PLSCR2: variants seen among roughly 807,000 people sequenced by gnomAD.
PLSCR2 encodes phospholipid scramblase 2.
In PLSCR2, 18 loss-of-function variants were observed where a neutral mutation model predicts 25.3. That is an observed-to-expected ratio of 0.71 (90% CI 0.49 to 1.06). The LOEUF is 1.06. Ranked by LOEUF, PLSCR2 falls within the 50% of genes least tolerant of loss-of-function variation. PLSCR2 has a pLI of 0.00. For missense variants in PLSCR2, 243 were observed against 269.5 expected (o/e 0.90, Z 0.69); for synonymous variants, 88 against 87.3 (o/e 1.01, Z -0.04).
chr3:146,424,069 C>A (rs111859883), intron 2 of PLSCR2, among the ~76,000 whole-genome samples: 9,234 of 151,412 alleles, frequency 0.061, 290 homozygotes, highest in Admixed American at 0.096. Flanking sequence ...ACCACCATGG[C>A]ACGTGTATAC....
intron 2 of PLSCR2, among the ~76,000 whole-genome samples, chr3:146,402,430 T>C (rs1056222436): frequency 6.6e-6 from 1 of 152,196 alleles, no homozygotes; most frequent in Non-Finnish European, 1.5e-5. Flanking sequence ...ATACACTTAA[T>C]GAGTACATGT....
intron 5 of PLSCR2, among the ~76,000 whole-genome samples, chr3:146,451,698 C>T (rs79016403): frequency 0.01 from 1,523 of 152,250 alleles, 27 homozygotes; most frequent in African/African-American, 0.035. Flanking sequence ...TCCCCATCCT[C>T]CGGAGATGAG....
intron 2 of PLSCR2, among the ~76,000 whole-genome samples, chr3:146,420,398 A>C (rs1451095634): frequency 6.6e-6 from 1 of 152,090 alleles, no homozygotes; most frequent in Non-Finnish European, 1.5e-5. Flanking sequence ...CTATATTTTC[A>C]ATAAATATAT....
chr3:146,495,762 A>G (rs1419160164), intron 1 of PLSCR2: 1 of 637,902 alleles, frequency 1.6e-6, no homozygotes, highest in Non-Finnish European at 2.7e-6. Context: ...TAAGATACCT[A>G]GTATGAGTTT....
chr3:146,457,797 C>T (rs1382749304), intron 3 of PLSCR2, among the ~76,000 whole-genome samples: 2 of 152,140 alleles, frequency 1.3e-5, no homozygotes, highest in African/African-American at 4.8e-5. Context: ...ATGTTATTTG[C>T]AAAAGAGAGC....
At chr3:146,410,844 C>T (rs1428394692) in intron 2 of PLSCR2, among the ~76,000 whole-genome samples, 1 of 152,226 alleles carries the variant, frequency 6.6e-6, no homozygotes, top group African/African-American at 2.4e-5. Flanking sequence ...GCCCACCTGG[C>T]CGCTCCCCCT....
intron 5 of PLSCR2, among the ~76,000 whole-genome samples, chr3:146,451,769 A>C (rs1405561191): frequency 1.3e-5 from 2 of 152,186 alleles, no homozygotes; most frequent in Non-Finnish European, 2.9e-5. Context: ...TCATGCCTAC[A>C]TAATGCAACT....
chr3:146,419,805 G>A (rs2039089884), intron 2 of PLSCR2, among the ~76,000 whole-genome samples: 1 of 151,884 alleles, frequency 6.6e-6, no homozygotes, highest in South Asian at 2.1e-4. Flanking sequence ...TGTCCTATAA[G>A]GTCACCTGTG....
downstream of PLSCR2, among the ~76,000 whole-genome samples, chr3:146,430,329 G>A (rs1323757756): frequency 6.6e-6 from 1 of 152,056 alleles, no homozygotes; most frequent in African/African-American, 2.4e-5. Flanking sequence ...TAAGGCACAG[G>A]GAGAAACACA....
intron 2 of PLSCR2, among the ~76,000 whole-genome samples, chr3:146,405,670 T>A (rs912966440): frequency 2.6e-5 from 4 of 152,186 alleles, no homozygotes; most frequent in Non-Finnish European, 4.4e-5. Context: ...ATGCATTGTT[T>A]TATAAATTAA....
upstream of PLSCR2, among the ~76,000 whole-genome samples, chr3:146,462,394 G>A (rs925191710): frequency 6.6e-6 from 1 of 151,974 alleles, no homozygotes; most frequent in East Asian, 1.9e-4. Context: ...ATGTGGCCTT[G>A]GTAGGAATTT....
intron 1 of PLSCR2, among the ~76,000 whole-genome samples, chr3:146,476,090 G>A (rs985649786): frequency 5.3e-5 from 8 of 151,610 alleles, no homozygotes; most frequent in East Asian, 1.9e-4. Flanking sequence ...CGGGGGCGCC[G>A]GGGGGTGCAC....
intron 2 of PLSCR2, among the ~76,000 whole-genome samples, chr3:146,423,531 T>C (rs1209738174): frequency 6.9e-6 from 1 of 145,610 alleles, no homozygotes; most frequent in Non-Finnish European, 1.5e-5. Context: ...ATATTCAAGC[T>C]TCACCCTTAA....
chr3:146,457,403 C>A (rs959457872), intron 3 of PLSCR2, among the ~76,000 whole-genome samples: 57 of 152,194 alleles, frequency 3.7e-4, no homozygotes, highest in African/African-American at 1.3e-3. Flanking sequence ...TTTATTCTTG[C>A]ACCTAGGAAG....
chr3:146,396,075 T>G (rs955689332), intron 2 of PLSCR2, among the ~76,000 whole-genome samples: 6 of 152,188 alleles, frequency 3.9e-5, no homozygotes, highest in Non-Finnish European at 8.8e-5. Context: ...CATAATAGCC[T>G]GGTAAAATTT....
intron 1 of PLSCR2, among the ~76,000 whole-genome samples, chr3:146,489,593 A>C (rs1462565843): frequency 6.6e-6 from 1 of 152,150 alleles, no homozygotes; most frequent in African/African-American, 2.4e-5. Context: ...TAACACAAAC[A>C]GTAGTTTAAA....
upstream of PLSCR2, among the ~76,000 whole-genome samples, chr3:146,460,674 G>A (rs79327971): frequency 3.4e-3 from 522 of 152,280 alleles, 2 homozygotes; most frequent in Non-Finnish European, 5.3e-3. Context: ...GTTGATAGAA[G>A]CCAGGGATGC....
At chr3:146,462,471 T>TC (rs1487389041), upstream of PLSCR2, among the ~76,000 whole-genome samples, 5 of 19,882 alleles carry the variant, frequency 2.5e-4, no homozygotes. Context: ...TTTCTTTCTT[T>TC]TTTTTTTTTT....
Position 146,407,664 on chromosome 3 carries a change from A to T in PLSCR2, c.101-11743T>A, listed in dbSNP as rs141722448. Among the ~76,000 whole-genome samples the T allele has an allele frequency of 7.4e-4, 113 of 152,308 alleles. 1 individual carries two copies. Among genetic ancestry groups the T allele is most frequent in the African/African-American group, 2.6e-3 (106 of 41,568 alleles). On this transcript the variant is annotated intron_variant and NMD_transcript_variant, in intron 2 of 3. Transcript: ENST00000463633. ...GGTAGATAGCGTCATGTACATGCAC[A>T]GTAGCAAAGCCGTACCTGGTGTCAG...
Sources: gnomAD v4.1 joint callset for allele counts (sites outside exome capture counted in the v4.1 genomes callset) on GRCh38, gnomAD v4.1.1 for gene constraint, MANE v1.5 for transcripts, NCBI Gene and HGNC (gene_info 2026-07-23, HGNC 2026-07-21) for gene names.